The following VGLL3 variants were observed in gnomAD, a reference collection of about 807,000 sequenced individuals.
VGLL3 encodes the protein vestigial like family member 3.
A neutral mutation model predicts 29.2 loss-of-function variants in VGLL3; 18 were observed. The observed-to-expected ratio is 0.62, with a 90% CI of 0.43 to 0.91. The LOEUF is 0.91. Among genes scored for constraint, VGLL3 ranks in the 40% least tolerant of loss-of-function variants. The pLI, the probability that VGLL3 is intolerant of heterozygous loss-of-function variation, is 0.00. For synonymous variants in VGLL3, 180 were observed against 151.8 expected (o/e 1.19, Z -1.36); for missense variants, 440 against 413.2 (o/e 1.06, Z -0.56).
intron 3 of VGLL3, chr3:86,961,776 G>T: frequency 3.4e-6 from 1 of 296,170 alleles, no homozygotes; most frequent in Non-Finnish European, 5.0e-6. Context: ...TAAGGTGAAA[G>T]TCATTCACAA....
chr3:86,965,415 G>A (rs368716481), intron 3 of VGLL3, among the ~76,000 whole-genome samples: 2 of 152,112 alleles, frequency 1.3e-5, no homozygotes, highest in South Asian at 4.1e-4. Flanking sequence ...TGTGGCACAG[G>A]TTACACAGAG....
At chr3:86,986,525 G>T (rs568528114) in intron 1 of VGLL3, among the ~76,000 whole-genome samples, 2 of 152,284 alleles carry the variant, frequency 1.3e-5, no homozygotes, top group South Asian at 4.1e-4. Flanking sequence ...AAGTTAATTT[G>T]TGTAGTGTGA....
rs1387769754 is a variant in VGLL3, at chr3:86,943,313, A to G, written c.*3711T>C. The G allele has an allele frequency of 5.3e-5, 8 of 152,338 alleles. No individual in the cohort carries two copies. In the East Asian group the frequency reaches 1.5e-3, roughly 29 times the overall value. The allele number at this position is 152,338 out of a possible 1,614,324, so 9.4% of individuals were successfully genotyped here. On this transcript the variant is annotated 3_prime_UTR_variant, in exon 4 of 4. Coordinates refer to ENST00000398399, the MANE Select transcript of VGLL3 (RefSeq NM_016206.4). The stretch of plus-strand genomic sequence containing the variant: ...AAAGAAGGGACACTCAGTAAGGAAT[A>G]GAATACAGGTTCTTGAAACAGTTTC...
intron 2 of VGLL3, among the ~76,000 whole-genome samples, chr3:86,978,187 C>T (rs1288879505): frequency 6.6e-6 from 1 of 152,192 alleles, no homozygotes; most frequent in Non-Finnish European, 1.5e-5. Context: ...TTTTTAAAAG[C>T]TGATTTAGAC....
intron 3 of VGLL3, among the ~76,000 whole-genome samples, chr3:86,950,400 T>G (rs1244715310): frequency 6.6e-6 from 1 of 152,178 alleles, no homozygotes; most frequent in Admixed American, 6.6e-5. Flanking sequence ...AAAATTTAAG[T>G]TAAGAGAATT....
intron 2 of VGLL3, among the ~76,000 whole-genome samples, chr3:86,976,317 C>G (rs1024117602): frequency 6.6e-6 from 1 of 152,158 alleles, no homozygotes; most frequent in Non-Finnish European, 1.5e-5. Context: ...GCTATCTGCT[C>G]AAACATAACT....
intron 1 of VGLL3, among the ~76,000 whole-genome samples, chr3:86,987,481 T>C (rs778001133): frequency 6.6e-6 from 1 of 152,134 alleles, no homozygotes; most frequent in African/African-American, 2.4e-5. Flanking sequence ...AGAAAACCAG[T>C]GACTGTTCTC....
At chr3:86,963,004 A>G in intron 3 of VGLL3, 1 of 242,374 alleles carries the variant, frequency 4.1e-6, no homozygotes, top group South Asian at 3.4e-5. Flanking sequence ...CTGAGGCAGG[A>G]CAATTGGTTG....
intron 3 of VGLL3, among the ~76,000 whole-genome samples, chr3:86,949,548 T>C (rs1027549918): frequency 1.3e-5 from 2 of 150,960 alleles, no homozygotes; most frequent in South Asian, 2.1e-4. Flanking sequence ...CAGGGCTGGC[T>C]GGGCGCGGTG....
Position 86,978,534 on chromosome 3 carries a change from A to T in VGLL3, c.395T>A (p.Leu132Gln). ...TGCTTTTGAATTCTTACCTCGCCAT[A>T]GGGGGGTTAGCCCCATCTTGCTTTT... is the stretch of plus-strand genomic sequence containing the variant. ...ISKSKMGLTPLWRDSSALSSQ... is the reference protein window; with the variant it reads ...ISKSKMGLTPQWRDSSALSSQ... Residue 132 changes from leucine (L) to glutamine (Q), a missense_variant, in exon 2 of 4, where the codon CTA becomes CAA. By Grantham distance (113) the Leu-to-Gln change is moderately radical. Transcript: ENST00000398399. 1 of 1,614,088 alleles carries T rather than the reference A, an allele frequency of 6.2e-7. No individual in the cohort carries two copies. The highest frequency in any genetic ancestry group is 8.5e-7 in the Non-Finnish European group (1 of 1,179,978).
intron 3 of VGLL3, among the ~76,000 whole-genome samples, chr3:86,958,078 T>C (rs553968157): frequency 6.6e-6 from 1 of 152,344 alleles, no homozygotes; most frequent in Admixed American, 6.5e-5. Context: ...GTGCTTTTCT[T>C]GAGCTTTTCT....
At chr3:86,988,904 T>C (rs1442871105) in intron 1 of VGLL3, among the ~76,000 whole-genome samples, 1 of 152,018 alleles carries the variant, frequency 6.6e-6, no homozygotes, top group African/African-American at 2.4e-5. Flanking sequence ...TTTTATTTTT[T>C]ACTTTTTAAA....
rs1670998340 is a variant in VGLL3 at position 86,990,886 on chromosome 3, C to T, written c.-143G>A. On this transcript the variant is annotated 5_prime_UTR_variant, in exon 1 of 4. Coordinates refer to ENST00000398399, the MANE Select transcript of VGLL3 (RefSeq NM_016206.4). Reference sequence around the variant, plus strand: ...GCGGCGAAGGCGGGTCCTCGGCGGCCTCGGGCTCCGCGCGGGGCGCGGGGT... The same window carrying T: ...GCGGCGAAGGCGGGTCCTCGGCGGCTTCGGGCTCCGCGCGGGGCGCGGGGT... The T allele has an allele frequency of 6.8e-5, 77 of 1,135,698 alleles. No individual in the cohort carries two copies. Among genetic ancestry groups the T allele is most frequent in the Non-Finnish European group, 8.4e-5 (77 of 919,948 alleles). 70.4% of individuals were successfully genotyped at this position (1,135,698 alleles called of 1,614,324 possible). A position where few individuals can be genotyped will look rare whatever the true frequency, so the allele number is the denominator to read the frequency against.
rs1444418824 is a variant in VGLL3, at chr3:86,944,088, G to C, written c.*2936C>G. ...GGATTTTAAACTTGGAATGAATTCAGAATATTATGCTAAATTACAACCCAT... is the reference window on the plus strand; with the variant it reads ...GGATTTTAAACTTGGAATGAATTCACAATATTATGCTAAATTACAACCCAT... On this transcript the variant is annotated 3_prime_UTR_variant, in exon 4 of 4. Transcript: ENST00000398399. The C allele has an allele frequency of 6.6e-6, 1 of 152,150 alleles. No homozygotes were observed. The highest frequency in any genetic ancestry group is 1.5e-5 in the Non-Finnish European group (1 of 68,022). 9.4% of individuals were successfully genotyped at this position (152,150 alleles called of 1,614,324 possible). A position where few individuals can be genotyped will look rare whatever the true frequency, so the allele number is the denominator to read the frequency against.
chr3:86,949,967 G>A (rs187863957), intron 3 of VGLL3, among the ~76,000 whole-genome samples: 116 of 152,252 alleles, frequency 7.6e-4, no homozygotes, highest in African/African-American at 2.7e-3. Context: ...AGGGTGGAGG[G>A]GGGCAAAATT....
At chr3:86,962,850 ACTATTCAAAATAGGGAAGCCAGCC>A in intron 3 of VGLL3, 1 of 145,994 alleles carries the variant, frequency 6.8e-6, no homozygotes, top group African/African-American at 4.3e-5. Context: ...GCCAGCCTTC[ACTATTCAAAATAGGGAAGCCAGCC>A]TTCACTATTC....
At chr3:86,958,468 T>C (rs1704772373) in intron 3 of VGLL3, among the ~76,000 whole-genome samples, 1 of 152,126 alleles carries the variant, frequency 6.6e-6, no homozygotes, top group South Asian at 2.1e-4. Flanking sequence ...ATAACACCTT[T>C]ACAAAGCTCC....
chr3:86,954,765 C>T (rs1704682513), intron 3 of VGLL3, among the ~76,000 whole-genome samples: 1 of 151,800 alleles, frequency 6.6e-6, no homozygotes, highest in African/African-American at 2.4e-5. Flanking sequence ...ACTTCAATTT[C>T]AAAAGCAGAT....
intron 2 of VGLL3, among the ~76,000 whole-genome samples, chr3:86,976,101 C>T (rs1186659297): frequency 4.6e-5 from 7 of 151,714 alleles, no homozygotes; most frequent in Non-Finnish European, 8.8e-5. Flanking sequence ...GTGACAAGAG[C>T]GAAACTCCAT....
Sources: allele counts gnomAD v4.1 joint callset (sites outside exome capture counted in the v4.1 genomes callset), GRCh38; gene constraint gnomAD v4.1.1; transcripts MANE v1.5; gene names NCBI Gene and HGNC (gene_info 2026-07-23, HGNC 2026-07-21).